The following ELOC variants were observed in gnomAD, a reference collection of about 807,000 sequenced individuals.
The protein encoded by ELOC is elongin-C.
For missense variants in ELOC, 38 were observed against 139.0 expected, an observed-to-expected ratio of 0.27 and a Z score of 3.65; for synonymous variants, 40 against 51.3, an observed-to-expected ratio of 0.78 and a Z score of 0.94.
At chr8:73,969,896 A>C (rs1815239131) in intron 1 of ELOC, among the ~76,000 whole-genome samples, 2 of 152,240 alleles carry the variant, frequency 1.3e-5, no homozygotes, top group African/African-American at 4.8e-5. Context: ...CTGAGGCTTG[A>C]AATTCAGGCA....
chr8:73,950,502 T>C (rs1220023436), intron 3 of ELOC, among the ~76,000 whole-genome samples: 1 of 152,192 alleles, frequency 6.6e-6, no homozygotes, highest in African/African-American at 2.4e-5. Context: ...ATAGGAAAAT[T>C]TTAGCTAATA....
chr8:73,946,406 A>T lies in ELOC; in HGVS notation c.*224T>A. On this transcript the variant is annotated 3_prime_UTR_variant, in exon 4 of 4. Coordinates refer to ENST00000520242, the MANE Select transcript of ELOC (RefSeq NM_005648.4). The stretch of plus-strand genomic sequence containing the variant: ...AAGGCAAAACCACCTACGAATTGGC[A>T]TATTTGTTTATTTCTCAGTTTGTGA... The T allele has an allele frequency of 2.3e-6, 1 of 426,460 alleles. No individual in the cohort carries two copies. Among genetic ancestry groups the T allele is most frequent in the East Asian group, 3.5e-5 (1 of 28,792 alleles). 26.4% of individuals were successfully genotyped at this position (426,460 alleles called of 1,614,324 possible). A position where few individuals can be genotyped will look rare whatever the true frequency, so the allele number is the denominator to read the frequency against.
intron 3 of ELOC, among the ~76,000 whole-genome samples, chr8:73,947,420 A>AT (rs1304403477): frequency 2.6e-5 from 4 of 152,190 alleles, no homozygotes; most frequent in Non-Finnish European, 4.4e-5. Context: ...TTCAACCTCT[A>AT]CACTCCAGAA....
chr8:73,969,104 C>G (rs151074347), intron 1 of ELOC, among the ~76,000 whole-genome samples: 8 of 152,122 alleles, frequency 5.3e-5, no homozygotes, highest in African/African-American at 1.9e-4. Context: ...GTTTTTCTCC[C>G]GAGTGCCAGT....
rs776803575 is a variant in ELOC at position 73,969,997 on chromosome 8, T to C, written c.-51+2080A>G. On this transcript the variant is annotated intron_variant, in intron 1 of 3. Coordinates refer to ENST00000520242, the MANE Select transcript of ELOC (RefSeq NM_005648.4). ...GCTGAAATGCATTAACACATAAATA[T>C]GACCATAGCTGGCCAGATTTGGTGG... Among the ~76,000 whole-genome samples, 5 of 152,240 alleles carry C rather than the reference T, an allele frequency of 3.3e-5. No individual in the cohort carries two copies. The East Asian group carries it at 5.8e-4, about 18-fold the overall frequency.
chr8:73,959,397 C>T (rs1334240794), intron 2 of ELOC, among the ~76,000 whole-genome samples: 1 of 152,214 alleles, frequency 6.6e-6, no homozygotes, highest in East Asian at 1.9e-4. Context: ...TATCCTTATT[C>T]TATATGCTTT....
intron 3 of ELOC, among the ~76,000 whole-genome samples, chr8:73,950,978 T>C (rs1219411710): frequency 1.3e-5 from 2 of 152,140 alleles, no homozygotes; most frequent in South Asian, 2.1e-4. Flanking sequence ...CAACTTAAGA[T>C]TGGCAAAATG....
intron 2 of ELOC, among the ~76,000 whole-genome samples, chr8:73,956,926 C>T (rs568600333): frequency 2.0e-5 from 3 of 151,960 alleles, no homozygotes; most frequent in Admixed American, 1.3e-4. Context: ...TGGATCACGA[C>T]GTCAGGAGAT....
intron 3 of ELOC, among the ~76,000 whole-genome samples, chr8:73,948,918 T>C (rs1813568064): frequency 6.6e-6 from 1 of 152,214 alleles, no homozygotes; most frequent in Admixed American, 6.5e-5. Context: ...CATTGTTTCC[T>C]CCTTTAGTTT....
chr8:73,967,635 T>C (rs1316430080), intron 1 of ELOC, among the ~76,000 whole-genome samples: 1 of 152,040 alleles, frequency 6.6e-6, no homozygotes, highest in Non-Finnish European at 1.5e-5. Flanking sequence ...GCCTAGCTAA[T>C]TATTTGTATT....
At chr8:73,951,592 T>A (rs1374130378) in intron 3 of ELOC, among the ~76,000 whole-genome samples, 1 of 151,452 alleles carries the variant, frequency 6.6e-6, no homozygotes, top group African/African-American at 2.4e-5. Flanking sequence ...GCCACTACAC[T>A]CCAGCCTGGG....
intron 3 of ELOC, among the ~76,000 whole-genome samples, chr8:73,952,334 G>GAGGTGGAGGGTGC (rs1813829025): frequency 6.6e-6 from 1 of 152,082 alleles, no homozygotes; most frequent in South Asian, 2.1e-4. Flanking sequence ...AGGGTGCAGT[G>GAGGTGGAGGGTGC]AGGTGGAGGG....
At chr8:73,954,804 G>C (rs1814040435) in intron 3 of ELOC, among the ~76,000 whole-genome samples, 1 of 151,886 alleles carries the variant, frequency 6.6e-6, no homozygotes. Context: ...GGCTGAGGCG[G>C]GTGCACTGCC....
intron 3 of ELOC, among the ~76,000 whole-genome samples, chr8:73,950,212 A>ACGTGT (rs1389303370): frequency 1.3e-5 from 2 of 152,228 alleles, no homozygotes; most frequent in African/African-American, 4.8e-5. Context: ...TCAAAAGGAC[A>ACGTGT]CAGAAGCTAA....
At chr8:73,965,648 T>C (rs1282280065) in intron 1 of ELOC, among the ~76,000 whole-genome samples, 1 of 152,180 alleles carries the variant, frequency 6.6e-6, no homozygotes, top group East Asian at 1.9e-4. Flanking sequence ...TGCTATATAT[T>C]TGTCAAAACT....
Position 73,972,191 on chromosome 8 carries a change from G to A in ELOC, c.-165C>T, listed in dbSNP as rs1407822846. 6.6e-6 allele frequency: 1 copy of A among 152,380 alleles called. No individual in the cohort carries two copies. Among genetic ancestry groups the A allele is most frequent in the South Asian group, 2.1e-4 (1 of 4,840 alleles). The allele number at this position is 152,380 out of a possible 1,614,324, so 9.4% of individuals were successfully genotyped here. On this transcript the variant is annotated 5_prime_UTR_variant, in exon 1 of 4. Transcript: ENST00000520242. ...CCGGTGGGTTCCGGGGCAGTCGAAA[G>A]AATTACTTCCGCTGGGTCAGAGCCG... is the stretch of plus-strand genomic sequence containing the variant.
At chr8:73,950,146 C>T (rs902614024) in intron 3 of ELOC, among the ~76,000 whole-genome samples, 1 of 152,126 alleles carries the variant, frequency 6.6e-6, no homozygotes, top group East Asian at 1.9e-4. Context: ...TCATGACATG[C>T]CTAAGAAATC....
In ELOC at chr8:73,961,511, ACTCT is replaced by A. The variant is rs1384849486; in HGVS notation, c.-50-1697_-50-1694del. Among the ~76,000 whole-genome samples the A allele has an allele frequency of 2.8e-4, 42 of 149,820 alleles. 2 individuals are homozygous for A. Among genetic ancestry groups the A allele is most frequent in the Non-Finnish European group, 1.5e-5 (1 of 67,604 alleles). ...GGAGACAGATATTCAAAGTACCATC[ACTCT>A]CTCTTTTTTTTTTTTTGAGAGGCAG... On this transcript the variant is annotated intron_variant, in intron 1 of 3. Coordinates refer to ENST00000520242, the MANE Select transcript of ELOC (RefSeq NM_005648.4).
Position 73,946,839 on chromosome 8 carries a change from A to G in ELOC, c.149-19T>C. 6.2e-7 allele frequency: 1 copy of G among 1,600,274 alleles called. No individual in the cohort carries two copies. Among genetic ancestry groups the G allele is most frequent in the Non-Finnish European group, 8.5e-7 (1 of 1,170,462 alleles). ...AACTGACCTGTAAAACAAAAGAATT[A>G]TGTATGTTATTGGCTGAATTGTGTC... On this transcript the variant is annotated intron_variant, in intron 3 of 3. Coordinates refer to ENST00000520242, the MANE Select transcript of ELOC (RefSeq NM_005648.4).
Sources: gnomAD v4.1 joint callset for allele counts (sites outside exome capture counted in the v4.1 genomes callset) on GRCh38, gnomAD v4.1.1 for gene constraint, MANE v1.5 for transcripts, NCBI Gene and HGNC (gene_info 2026-07-23, HGNC 2026-07-21) for gene names.